DYSF: variants seen among roughly 807,000 people sequenced by gnomAD.
DYSF encodes the protein dystrophy-associated fer-1-like 1.
In DYSF, 212 loss-of-function variants were observed where a neutral mutation model predicts 274.9. That is an observed-to-expected ratio of 0.77 (90% CI 0.69 to 0.86). The LOEUF (loss-of-function observed/expected upper bound fraction) is 0.86, where lower values mean the gene tolerates loss of function less well. DYSF is among the 40% of genes least tolerant of loss of function. DYSF has a pLI of 0.00. For missense variants in DYSF, 2,666 were observed against 2,783.2 expected, an observed-to-expected ratio of 0.96 and a Z score of 0.95; for synonymous variants, 1,091 against 1,078.7, an observed-to-expected ratio of 1.01 and a Z score of -0.22.
At chr2:71,664,177 C>T (rs1187679660) in intron 45 of DYSF, 91 bp from the exon 46 acceptor site, 1 of 1,535,196 alleles carries the variant, frequency 6.5e-7, no homozygotes, top group Non-Finnish European at 9.0e-7. Flanking sequence ...GGAAAGAAGA[C>T]TCCCTGGGGT....
rs762842080 is a variant in DYSF at position 71,528,303 on chromosome 2, G to A, written c.1282G>A (p.Asp428Asn). 12 of 1,613,680 alleles carry A rather than the reference G, an allele frequency of 7.4e-6. No homozygotes were observed. The highest frequency in any genetic ancestry group is 5.0e-5 in the Admixed American group (3 of 59,948). Residue 428 changes from aspartate to asparagine, a missense_variant, in exon 14 of 56, where the codon GAT becomes AAT. Coordinates refer to ENST00000410020, the MANE Select transcript of DYSF (RefSeq NM_001130987.2). Reference sequence around the variant, plus strand: ...TGGTGTGTCCCTCTTCCCAGTGGACGATGCCGTGATGGACAACGTGAAACA... The same window carrying A: ...TGGTGTGTCCCTCTTCCCAGTGGACAATGCCGTGATGGACAACGTGAAACA... ...FRAEDLPQMD[D>N]AVMDNVKQIF...
intron 17 of DYSF, among the ~76,000 whole-genome samples, chr2:71,548,755 C>T (rs879059765): frequency 6.6e-6 from 1 of 152,192 alleles, no homozygotes; most frequent in Non-Finnish European, 1.5e-5. Flanking sequence ...TGTCAGAAGC[C>T]AGATGCCAGT....
At chr2:71,612,077 A>G (rs1362574517) in intron 38 of DYSF, among the ~76,000 whole-genome samples, 1 of 152,200 alleles carries the variant, frequency 6.6e-6, no homozygotes, top group Non-Finnish European at 1.5e-5. Flanking sequence ...GCCTAGACCT[A>G]GTGGCCAGAG....
At chr2:71,593,193 C>T (rs1344843360) in intron 32 of DYSF, among the ~76,000 whole-genome samples, 11 of 132,020 alleles carry the variant, frequency 8.3e-5, no homozygotes, top group East Asian at 2.4e-4. Context: ...AGTGCAATGG[C>T]GCTATCTTGG....
At chr2:71,633,666 G>A (rs747268036) in intron 41 of DYSF, among the ~76,000 whole-genome samples, 59 of 152,200 alleles carry the variant, frequency 3.9e-4, no homozygotes, top group Middle Eastern at 3.4e-3. Flanking sequence ...TAGGCATGAA[G>A]GGCTACTTAA....
intron 41 of DYSF, among the ~76,000 whole-genome samples, chr2:71,643,210 C>CAGG (rs990276899): frequency 2.0e-5 from 3 of 152,112 alleles, no homozygotes; most frequent in Non-Finnish European, 4.4e-5. Flanking sequence ...ACACCATGTA[C>CAGG]AGGAGGAGTT....
intron 42 of DYSF, among the ~76,000 whole-genome samples, chr2:71,655,434 C>T (rs900051514): frequency 6.6e-6 from 1 of 152,142 alleles, no homozygotes; most frequent in South Asian, 2.1e-4. Flanking sequence ...ACGAATTTAG[C>T]ATGTATGTTA....
At position 71,561,870 on chromosome 2, in the gene DYSF, G is replaced by T; in HGVS notation, c.2335G>T (p.Gly779Cys). 2 of 1,614,056 alleles carry T rather than the reference G, an allele frequency of 1.2e-6. No homozygotes were observed. The highest frequency in any genetic ancestry group is 1.7e-6 in the Non-Finnish European group (2 of 1,179,994). ...TGAGGCTGCCCTGGCCCTGAAGCTCGGCCACAGTGAGCTCCCTGCAGCTCT... is the reference window on the plus strand; with the variant it reads ...TGAGGCTGCCCTGGCCCTGAAGCTCTGCCACAGTGAGCTCCCTGCAGCTCT... ...ITEAALALKL[G>C]HSELPAALEQ... The change falls in exon 23 of 56, where the codon GGC (glycine) becomes TGC (cysteine). Residue 779 changes from glycine (G) to cysteine (C), a missense_variant. Physicochemically the swap from Gly to Cys is radical, Grantham distance 159. Around this residue, in one of 3 missense-constraint regions of DYSF, gnomAD observed 412 missense variants for 504.0 expected, o/e 0.82. Coordinates refer to ENST00000410020, the MANE Select transcript of DYSF (RefSeq NM_001130987.2).
At chr2:71,556,445 T>C (rs1280124433) in intron 22 of DYSF, among the ~76,000 whole-genome samples, 1 of 152,204 alleles carries the variant, frequency 6.6e-6, no homozygotes, top group East Asian at 1.9e-4. Context: ...TCATGGTTTC[T>C]GTTTAGCTTT....
At position 71,526,356 on chromosome 2, in the gene DYSF, G is replaced by A. The variant is rs994622254; in HGVS notation, c.1276+10G>A. 5.0e-6 allele frequency: 8 copies of A among 1,612,836 alleles called. No homozygotes were observed. The highest frequency in any genetic ancestry group is 6.8e-6 in the Non-Finnish European group (8 of 1,179,214). ...GAGGACTTGCCGCAGAGTGCGTGGG[G>A]CGCGCCCTTGGGTGGGAGGTCTGCA... is the stretch of plus-strand genomic sequence containing the variant. On this transcript the variant is annotated intron_variant, in intron 13 of 55. Coordinates refer to ENST00000410020, the MANE Select transcript of DYSF (RefSeq NM_001130987.2).
At chr2:71,661,938 C>T (rs769065749) in intron 45 of DYSF, among the ~76,000 whole-genome samples, 4 of 152,034 alleles carry the variant, frequency 2.6e-5, no homozygotes, top group Non-Finnish European at 5.9e-5. Flanking sequence ...GTATGAGTTC[C>T]AGGGGCTGGC....
At chr2:71,616,917 T>G (rs2093897668) in intron 40 of DYSF, among the ~76,000 whole-genome samples, 1 of 152,184 alleles carries the variant, frequency 6.6e-6, no homozygotes, top group Admixed American at 6.5e-5. Flanking sequence ...CACTAGTTGT[T>G]GTTGTTTTTT....
At chr2:71,493,461 C>A (rs188666438) in intron 3 of DYSF, among the ~76,000 whole-genome samples, 3 of 151,914 alleles carry the variant, frequency 2.0e-5, no homozygotes, top group Non-Finnish European at 2.9e-5. Context: ...GCCTAAATAA[C>A]GAACAGAGAA....
chr2:71,628,002 AATAG>A (rs2094239689), intron 41 of DYSF, among the ~76,000 whole-genome samples: 1 of 152,142 alleles, frequency 6.6e-6, no homozygotes, highest in African/African-American at 2.4e-5. Context: ...GTGAACAGCA[AATAG>A]ATAGATTCTA....
intron 4 of DYSF, among the ~76,000 whole-genome samples, chr2:71,504,070 G>A (rs930844311): frequency 5.3e-5 from 8 of 152,230 alleles, no homozygotes; most frequent in African/African-American, 1.9e-4. Flanking sequence ...TGGCGGGTGT[G>A]TGAGGCCGGG....
intron 41 of DYSF, among the ~76,000 whole-genome samples, chr2:71,621,826 A>AT (rs1284395006): frequency 6.6e-6 from 1 of 151,760 alleles, no homozygotes; most frequent in African/African-American, 2.4e-5. Flanking sequence ...CACGTGGCTA[A>AT]TTTTTTGTAT....
chr2:71,614,821 G>T (rs2093847476), intron 40 of DYSF, among the ~76,000 whole-genome samples: 1 of 152,174 alleles, frequency 6.6e-6, no homozygotes, highest in Admixed American at 6.5e-5. Flanking sequence ...TGTCTGTATG[G>T]ATCTGAGGAG....
At chr2:71,667,644 C>T in intron 48 of DYSF, 129 bp downstream of exon 48, 1 of 1,414,600 alleles carries the variant, frequency 7.1e-7, no homozygotes, top group Non-Finnish European at 9.7e-7. Context: ...TGACCCATTT[C>T]TTCACAGTCT....
intron 4 of DYSF, among the ~76,000 whole-genome samples, chr2:71,507,895 T>C (rs1010799130): frequency 1.3e-5 from 2 of 152,236 alleles, no homozygotes; most frequent in African/African-American, 2.4e-5. Flanking sequence ...GCTCAAGTGA[T>C]CCTCTCGCCT....
Sources: gnomAD v4.1 joint callset for allele counts (sites outside exome capture counted in the v4.1 genomes callset) on GRCh38, gnomAD v4.1.1 for gene constraint, gnomAD v4.1.1 regional missense constraint, MANE v1.5 for transcripts, NCBI Gene and HGNC (gene_info 2026-07-23, HGNC 2026-07-21) for gene names.